EPHA3: variants seen among roughly 807,000 people sequenced by gnomAD.
EPHA3 encodes the protein ephrin type-A receptor 3.
In EPHA3, 42 loss-of-function variants were observed where a neutral mutation model predicts 107.1. The ratio of observed to expected loss-of-function variants is 0.39; its 90% CI spans 0.31 to 0.51. The LOEUF (loss-of-function observed/expected upper bound fraction) is 0.51, where lower values mean the gene tolerates loss of function less well. Among genes scored for constraint, EPHA3 ranks in the 20% least tolerant of loss-of-function variants. The probability of loss-of-function intolerance (pLI) is 0.78; values close to 1 mark genes in which losing one functional copy is unlikely to be tolerated. For synonymous variants in EPHA3, 461 were observed against 424.8 expected, an observed-to-expected ratio of 1.09 and a Z score of -1.05; for missense variants, 1,183 against 1,211.2, an observed-to-expected ratio of 0.98 and a Z score of 0.35.
chr3:89,145,460 GCA>G (rs1319854506), intron 2 of EPHA3, among the ~76,000 whole-genome samples: 2 of 151,450 alleles, frequency 1.3e-5, no homozygotes, highest in African/African-American at 4.8e-5. Flanking sequence ...TCAATTCTTA[GCA>G]CAGTTATTTA....
chr3:89,139,776 T>G (rs76890088), intron 2 of EPHA3, among the ~76,000 whole-genome samples: 2,050 of 151,784 alleles, frequency 0.014, 52 homozygotes, highest in African/African-American at 0.047. Context: ...GGGTCTGGGT[T>G]CGGTGCTCTT....
chr3:89,451,968 C>T (rs1328965022), intron 15 of EPHA3, among the ~76,000 whole-genome samples: 5 of 151,224 alleles, frequency 3.3e-5, no homozygotes, highest in African/African-American at 1.2e-4. Context: ...TTAACCATGC[C>T]TTAGTATCAT....
chr3:89,430,167 A>G (rs1171991289), intron 12 of EPHA3, among the ~76,000 whole-genome samples: 1 of 152,198 alleles, frequency 6.6e-6, no homozygotes, highest in East Asian at 1.9e-4. Context: ...TCAAGACAAT[A>G]CCAATTACCA....
At chr3:89,293,221 G>T (rs1038082630) in intron 3 of EPHA3, among the ~76,000 whole-genome samples, 3 of 152,078 alleles carry the variant, frequency 2.0e-5, no homozygotes, top group East Asian at 3.9e-4. Context: ...AATTTTGAAA[G>T]TTCTTTGTAT....
intron 2 of EPHA3, among the ~76,000 whole-genome samples, chr3:89,142,591 G>T (rs1316137053): frequency 6.6e-6 from 1 of 151,410 alleles, no homozygotes; most frequent in Admixed American, 6.6e-5. Context: ...GACATAAACT[G>T]TTACTTATAT....
At chr3:89,181,848 A>G in intron 2 of EPHA3, among the ~76,000 whole-genome samples, 1 of 152,020 alleles carries the variant, frequency 6.6e-6, no homozygotes, top group East Asian at 1.9e-4. Context: ...GAAAGTCTTC[A>G]AAGTAAGAAA....
rs1214835761 is a variant in EPHA3, at chr3:89,359,136, A to C, written c.1306+17046A>C. The stretch of plus-strand genomic sequence containing the variant: ...ATGCATTAAAATATAATCAACAGTA[A>C]TTAGTATGAAAGTGACTCCTTATTT... On this transcript the variant is annotated intron_variant, in intron 5 of 16. Transcript: ENST00000336596. Among the ~76,000 whole-genome samples the C allele has an allele frequency of 5.3e-5, 8 of 151,380 alleles. No homozygotes were observed. The East Asian group carries it at 1.5e-3, about 29-fold the overall frequency.
chr3:89,322,593 G>T (rs1707069787), intron 3 of EPHA3, among the ~76,000 whole-genome samples: 1 of 152,098 alleles, frequency 6.6e-6, no homozygotes, highest in African/African-American at 2.4e-5. Flanking sequence ...GCCAGGTTTG[G>T]AAGTGTTTGC....
intron 2 of EPHA3, among the ~76,000 whole-genome samples, chr3:89,183,627 A>G (rs1168399289): frequency 6.6e-6 from 1 of 151,752 alleles, no homozygotes; most frequent in East Asian, 1.9e-4. Flanking sequence ...TGATTTAATA[A>G]AGAAACTATT....
At chr3:89,453,582 T>C (rs1710038047) in intron 15 of EPHA3, among the ~76,000 whole-genome samples, 1 of 152,210 alleles carries the variant, frequency 6.6e-6, no homozygotes, top group African/African-American at 2.4e-5. Flanking sequence ...TATTTTTACT[T>C]ATTACCATTA....
At position 89,283,985 on chromosome 3, in the gene EPHA3, G is replaced by A. The variant is rs536832376; in HGVS notation, c.815-56931G>A. On this transcript the variant is annotated intron_variant, in intron 3 of 16. Coordinates refer to ENST00000336596, the MANE Select transcript of EPHA3 (RefSeq NM_005233.6). ...ACATGAATACAGAGACATTTGTGCA[G>A]TCACAAATGTTTAAATTCCTACTGC... Among the ~76,000 whole-genome samples, 8 of 152,068 alleles carry A rather than the reference G, an allele frequency of 5.3e-5. 1 individual carries two copies. Among genetic ancestry groups the A allele is most frequent in the African/African-American group, 1.7e-4 (7 of 41,522 alleles).
At chr3:89,159,771 T>C (rs991494559) in intron 2 of EPHA3, among the ~76,000 whole-genome samples, 1 of 152,132 alleles carries the variant, frequency 6.6e-6, no homozygotes, top group African/African-American at 2.4e-5. Context: ...TATTACATTG[T>C]AGTATATAGA....
intron 3 of EPHA3, among the ~76,000 whole-genome samples, chr3:89,270,065 C>T (rs985912497): frequency 6.6e-6 from 1 of 151,740 alleles, no homozygotes; most frequent in Non-Finnish European, 1.5e-5. Context: ...AATGTGAAAG[C>T]CTACTTCAGG....
chr3:89,258,379 C>G (rs1705335350), intron 3 of EPHA3, among the ~76,000 whole-genome samples: 1 of 152,106 alleles, frequency 6.6e-6, no homozygotes, highest in Non-Finnish European at 1.5e-5. Flanking sequence ...GGCCTATATA[C>G]TAGAAGACAT....
Position 89,459,982 on chromosome 3 carries a change from A to G in EPHA3, c.2690+9612A>G, listed in dbSNP as rs1576390469. Among the ~76,000 whole-genome samples, 3 of 152,222 alleles carry G rather than the reference A, an allele frequency of 2.0e-5. No homozygotes were observed. In the East Asian group the frequency reaches 5.8e-4, roughly 29 times the overall value. ...ATTTTTTAAAAACATATTTTGAAAG[A>G]TTATAATATAACTTCTAGATTTAAA... On this transcript the variant is annotated intron_variant, in intron 15 of 16. Coordinates refer to ENST00000336596, the MANE Select transcript of EPHA3 (RefSeq NM_005233.6).
chr3:89,448,445 CCT>C (rs777166160), intron 13 of EPHA3, among the ~76,000 whole-genome samples: 3 of 152,094 alleles, frequency 2.0e-5, no homozygotes, highest in Non-Finnish European at 4.4e-5. Flanking sequence ...CATAATACTT[CCT>C]ATATGGTTGA....
intron 11 of EPHA3, among the ~76,000 whole-genome samples, chr3:89,423,221 T>G (rs1395578637): frequency 6.6e-6 from 1 of 151,398 alleles, no homozygotes; most frequent in African/African-American, 2.4e-5. Context: ...TAACTTTGCA[T>G]TATTGAGGAA....
intron 15 of EPHA3, among the ~76,000 whole-genome samples, chr3:89,466,176 C>T: frequency 2.7e-5 from 1 of 37,194 alleles, no homozygotes; most frequent in Admixed American, 2.8e-4. Context: ...CTTGAGGAGG[C>T]AGTCTGCCTG....
At chr3:89,367,406 G>T (rs1708205602) in intron 5 of EPHA3, among the ~76,000 whole-genome samples, 2 of 150,570 alleles carry the variant, frequency 1.3e-5, no homozygotes, top group East Asian at 2.0e-4. Context: ...TCAGTTTCTA[G>T]CTCTGTCACT....
Sources: gnomAD v4.1 joint callset for allele counts (sites outside exome capture counted in the v4.1 genomes callset) on GRCh38, gnomAD v4.1.1 for gene constraint, MANE v1.5 for transcripts, NCBI Gene and HGNC (gene_info 2026-07-23, HGNC 2026-07-21) for gene names.